The following ERI1 variants were observed in gnomAD, a reference collection of about 807,000 sequenced individuals.
ERI1 encodes the protein 3'-5' exoribonuclease 1.
In ERI1, 39 loss-of-function variants were observed where a neutral mutation model predicts 39.7. That is an observed-to-expected ratio of 0.98 (90% confidence interval 0.76 to 1.28). The LOEUF is 1.28. Among genes scored for constraint, ERI1 ranks in the 50% most tolerant of loss-of-function variants. ERI1 has a pLI of 0.00. For missense variants in ERI1, 581 were observed against 416.9 expected (o/e 1.39, Z -3.43); for synonymous variants, 204 against 149.6 (o/e 1.36, Z -2.65).
intron 3 of ERI1, among the ~76,000 whole-genome samples, chr8:9,052,230 A>T (rs556334411): frequency 6.6e-6 from 1 of 151,888 alleles, no homozygotes; most frequent in South Asian, 2.1e-4. Context: ...CTCCTAGTAC[A>T]CTTCCTGGCA....
At chr8:9,037,890 T>TA (rs139374560), downstream of ERI1, among the ~76,000 whole-genome samples, 17,173 of 115,744 alleles carry the variant, frequency 0.15, 1,246 homozygotes, top group East Asian at 0.28. Context: ...CATTGCTGAT[T>TA]TAAAAAAAAA....
intron 3 of ERI1, among the ~76,000 whole-genome samples, chr8:9,053,640 T>G (rs1798424549): frequency 6.6e-6 from 1 of 152,206 alleles, no homozygotes; most frequent in African/African-American, 2.4e-5. Flanking sequence ...CAATTTATAG[T>G]CAGCCAGGTA....
chr8:9,084,484 G>A (rs1010510437), intron 3 of ERI1, among the ~76,000 whole-genome samples: 8 of 152,058 alleles, frequency 5.3e-5, no homozygotes, highest in African/African-American at 1.9e-4. Context: ...CTGCCTTCCC[G>A]ATATCAAATC....
chr8:9,035,837 A>T (rs771406741), downstream of ERI1, among the ~76,000 whole-genome samples: 15 of 152,242 alleles, frequency 9.9e-5, no homozygotes, highest in Non-Finnish European at 1.9e-4. Context: ...TCACCATTCT[A>T]TTCTGAATGC....
At chr8:9,034,927 T>C (rs1232573813), downstream of ERI1, among the ~76,000 whole-genome samples, 1 of 152,154 alleles carries the variant, frequency 6.6e-6, no homozygotes, top group African/African-American at 2.4e-5. Context: ...AACAGCCTTA[T>C]TACTGATATG....
intron 3 of ERI1, among the ~76,000 whole-genome samples, chr8:9,059,424 G>C (rs1798618587): frequency 6.6e-6 from 1 of 152,008 alleles, no homozygotes; most frequent in Non-Finnish European, 1.5e-5. Flanking sequence ...TGTTTCTCAG[G>C]GCTGCTTCGA....
intron 3 of ERI1, among the ~76,000 whole-genome samples, chr8:9,079,476 G>A (rs961797351): frequency 6.6e-6 from 1 of 152,206 alleles, no homozygotes. Flanking sequence ...TGTTGGTTGT[G>A]ACTCTCATTT....
intron 3 of ERI1, among the ~76,000 whole-genome samples, chr8:9,084,193 C>T (rs7007456): frequency 0.37 from 56,111 of 151,846 alleles, 11,206 homozygotes; most frequent in African/African-American, 0.5. Context: ...GCCTAGGAGT[C>T]GGAGGTTGCA....
intron 5 of ERI1, among the ~76,000 whole-genome samples, chr8:9,019,210 G>A (rs938112319): frequency 5.3e-5 from 8 of 152,128 alleles, no homozygotes; most frequent in African/African-American, 1.4e-4. Flanking sequence ...GGGCAACTCC[G>A]ATACCTTAAG....
intron 3 of ERI1, among the ~76,000 whole-genome samples, chr8:9,087,924 C>T (rs1799581842): frequency 1.3e-5 from 2 of 152,200 alleles, no homozygotes; most frequent in Admixed American, 1.3e-4. Context: ...GGATACAAGA[C>T]TTTCAGTACA....
chr8:9,016,438 G>T, intron 4 of ERI1, 33 bp downstream of exon 4: 1 of 1,372,810 alleles, frequency 7.3e-7, no homozygotes, highest in South Asian at 1.4e-5. Context: ...TCTAGAGTTT[G>T]AAAGAGTTCT....
chr8:9,064,813 G>T (rs562708479), intron 3 of ERI1, among the ~76,000 whole-genome samples: 1 of 152,318 alleles, frequency 6.6e-6, no homozygotes, highest in South Asian at 2.1e-4. Flanking sequence ...TCCATGTGAA[G>T]AGACCACCAA....
intron 3 of ERI1, among the ~76,000 whole-genome samples, chr8:9,039,833 A>T (rs548717380): frequency 3.8e-4 from 58 of 152,318 alleles, no homozygotes; most frequent in African/African-American, 1.2e-3. Context: ...TCATAAGATG[A>T]AGTAGATTCA....
rs149700907 is a variant in ERI1 at position 9,027,604 on chromosome 8, A to T, written c.808-2188A>T. ...TATGTTTTATTCTAAGAATTTTATA[A>T]TTGAATGTCTTACATTTAGGTCTTT... is the stretch of plus-strand genomic sequence containing the variant. On this transcript the variant is annotated intron_variant, in intron 6 of 6. Coordinates refer to ENST00000250263, the MANE Select transcript of ERI1 (RefSeq NM_153332.4). Among the ~76,000 whole-genome samples the T allele has an allele frequency of 6.0e-4, 92 of 152,280 alleles. 1 individual carries two copies. The East Asian group carries it at 0.017, about 28-fold the overall frequency.
At chr8:9,015,578 C>T (rs1004347370) in intron 3 of ERI1, among the ~76,000 whole-genome samples, 2 of 151,894 alleles carry the variant, frequency 1.3e-5, no homozygotes, top group Non-Finnish European at 2.9e-5. Flanking sequence ...AAAGATCAGC[C>T]AGGCGTGGTG....
chr8:9,070,947 A>C (rs999921456), intron 3 of ERI1, among the ~76,000 whole-genome samples: 1 of 152,134 alleles, frequency 6.6e-6, no homozygotes, highest in African/African-American at 2.4e-5. Flanking sequence ...AGAGACTTAC[A>C]AGGGCACCCA....
chr8:9,034,581 T>C (rs1187970710), downstream of ERI1, among the ~76,000 whole-genome samples: 2 of 152,082 alleles, frequency 1.3e-5, no homozygotes, highest in African/African-American at 2.4e-5. Flanking sequence ...ACCACACCCA[T>C]ATAAGACAAC....
At chr8:9,090,433 C>G (rs944644851) in intron 3 of ERI1, among the ~76,000 whole-genome samples, 1 of 152,042 alleles carries the variant, frequency 6.6e-6, no homozygotes, top group Non-Finnish European at 1.5e-5. Flanking sequence ...AGATGAAGAT[C>G]TATGTTAAGG....
intron 3 of ERI1, among the ~76,000 whole-genome samples, chr8:9,097,853 A>C (rs536558627): frequency 6.6e-6 from 1 of 152,208 alleles, no homozygotes; most frequent in Non-Finnish European, 1.5e-5. Flanking sequence ...TTAAAAAAAA[A>C]TGCTTAACAA....
Sources: gnomAD v4.1 joint callset for allele counts (sites outside exome capture counted in the v4.1 genomes callset) on GRCh38, gnomAD v4.1.1 for gene constraint, MANE v1.5 for transcripts, NCBI Gene and HGNC (gene_info 2026-07-23, HGNC 2026-07-21) for gene names.